The following PCDHA6 variants were observed in gnomAD, a reference collection of about 807,000 sequenced individuals.
PCDHA6 encodes protocadherin alpha-6.
Under a neutral mutation model 60.3 loss-of-function variants are expected in PCDHA6, and 55 were observed. That is an observed-to-expected ratio of 0.91 (90% CI 0.73 to 1.14). The LOEUF is 1.14. Ranked by LOEUF, PCDHA6 falls within the 50% of genes most tolerant of loss-of-function variation. PCDHA6 has a pLI of 0.00. For synonymous variants in PCDHA6, 652 were observed against 557.9 expected (o/e 1.17, Z -2.38); for missense variants, 1,327 against 1,256.5 (o/e 1.06, Z -0.85).
At chr5:140,989,747 G>A (rs1554251066) in intron 3 of PCDHA6, among the ~76,000 whole-genome samples, 1 of 152,166 alleles carries the variant, frequency 6.6e-6, no homozygotes, top group African/African-American at 2.4e-5. Flanking sequence ...TGCCTAATCT[G>A]GAGAAACATA....
chr5:140,876,653 C>T (rs781890773), intron 1 of PCDHA6: 8 of 1,614,082 alleles, frequency 5.0e-6, no homozygotes, highest in Non-Finnish European at 6.8e-6. Context: ...CCTCATGTTC[C>T]CTTCAAGCTG....
intron 1 of PCDHA6, among the ~76,000 whole-genome samples, chr5:140,941,202 C>T (rs246071): frequency 0.094 from 11,551 of 122,542 alleles, 708 homozygotes; most frequent in Admixed American, 0.12. Context: ...TTTCTTTCTT[C>T]CTTTCTTTCT....
intron 1 of PCDHA6, among the ~76,000 whole-genome samples, chr5:140,890,939 G>A (rs1236920048): frequency 6.6e-6 from 1 of 152,106 alleles, no homozygotes; most frequent in Admixed American, 6.6e-5. Flanking sequence ...GTCCAAAGAT[G>A]CTGGTGAGGA....
In PCDHA6 at chr5:140,911,791, C is replaced by G. The variant is rs567528220; in HGVS notation, c.2395-67158C>G. 3.9e-5 allele frequency among the ~76,000 whole-genome samples: 6 copies of G among 152,230 alleles called. No homozygotes were observed. The East Asian group carries it at 9.6e-4, about 24-fold the overall frequency. ...AGTACAGTCCTTAGCATTTTTGGGT[C>G]TAATCATATTAAGCAGCCTTCTCCA... On this transcript the variant is annotated intron_variant, in intron 1 of 3. Transcript: ENST00000529310.
At chr5:140,876,752 C>A (rs374137138) in intron 1 of PCDHA6, 2 of 1,614,194 alleles carry the variant, frequency 1.2e-6, no homozygotes, top group Non-Finnish European at 1.7e-6. Context: ...GTGGTGACTG[C>A]GCGGGATGGG....
chr5:140,924,887 C>A (rs528979895), intron 1 of PCDHA6, among the ~76,000 whole-genome samples: 1 of 126,448 alleles, frequency 7.9e-6, no homozygotes, highest in African/African-American at 3.2e-5. Flanking sequence ...AGAGCAAGAA[C>A]CTGTCTCAAA....
chr5:140,929,162 G>T (rs2153599635), intron 1 of PCDHA6: 4 of 1,614,060 alleles, frequency 2.5e-6, no homozygotes, highest in Non-Finnish European at 3.4e-6. Context: ...TATCTCTATC[G>T]GGCCTCTCTG....
At chr5:140,941,255 C>CTTTT (rs782490896) in intron 1 of PCDHA6, among the ~76,000 whole-genome samples, 1 of 44,504 alleles carries the variant, frequency 2.2e-5, no homozygotes, top group Non-Finnish European at 5.1e-5. Flanking sequence ...TTCTTTCTTT[C>CTTTT]TCTTTCTTTC....
intron 2 of PCDHA6, 86 bp from the exon 3 acceptor site, chr5:140,982,389 T>C: frequency 1.3e-6 from 2 of 1,593,476 alleles, no homozygotes; most frequent in South Asian, 1.1e-5. Context: ...CCTGGCTTCA[T>C]AGTTGTAAGC....
rs563512273 is a variant in PCDHA6 at position 140,921,751 on chromosome 5, A to G, written c.2395-57198A>G. Among the ~76,000 whole-genome samples, 11 of 152,290 alleles carry G rather than the reference A, an allele frequency of 7.2e-5. No homozygotes were observed. The East Asian group carries it at 7.7e-4, about 11-fold the overall frequency. On this transcript the variant is annotated intron_variant, in intron 1 of 3. Coordinates refer to ENST00000529310, the MANE Select transcript of PCDHA6 (RefSeq NM_018909.4). ...ATAAAAATTATAAGCATAACAGGAC[A>G]CTTCTTGGCTACTATTCAATACTGA...
chr5:140,975,514 C>T (rs549258421), intron 1 of PCDHA6, among the ~76,000 whole-genome samples: 2 of 152,304 alleles, frequency 1.3e-5, no homozygotes, highest in African/African-American at 4.8e-5. Flanking sequence ...TATGCAAAAT[C>T]TGCAGTGGAT....
In PCDHA6 at chr5:140,987,075, G is replaced by A. The variant is rs564788093; in HGVS notation, c.2542+4512G>A. On this transcript the variant is annotated intron_variant, in intron 3 of 3. Coordinates refer to ENST00000529310, the MANE Select transcript of PCDHA6 (RefSeq NM_018909.4). ...CTAAAGTTACAAAAATGAGCTGGGC[G>A]TGGTGGCAGGTGCCTGTAATCCCAG... is the stretch of plus-strand genomic sequence containing the variant. Among the ~76,000 whole-genome samples the A allele has an allele frequency of 3.7e-4, 57 of 152,124 alleles. No individual in the cohort carries two copies. In the East Asian group the frequency reaches 9.9e-3, roughly 26 times the overall value.
intron 1 of PCDHA6, among the ~76,000 whole-genome samples, chr5:140,963,902 A>G (rs1227304928): frequency 6.6e-6 from 1 of 152,218 alleles, no homozygotes; most frequent in Non-Finnish European, 1.5e-5. Flanking sequence ...AAATGAGTAA[A>G]GTGAAGCTTA....
At chr5:140,955,797 T>C (rs1374924586) in intron 1 of PCDHA6, among the ~76,000 whole-genome samples, 3 of 152,212 alleles carry the variant, frequency 2.0e-5, no homozygotes, top group Non-Finnish European at 4.4e-5. Flanking sequence ...TGTTTTTCTA[T>C]TTGTTTGTGT....
intron 3 of PCDHA6, among the ~76,000 whole-genome samples, chr5:140,985,878 T>C (rs891027308): frequency 6.6e-6 from 1 of 151,706 alleles, no homozygotes; most frequent in Non-Finnish European, 1.5e-5. Flanking sequence ...TAGCTGGGAC[T>C]ACAGGCGCCC....
Position 140,830,049 on chromosome 5 carries a change from A to G in PCDHA6, c.1958A>G (p.Asp653Gly). 6.2e-7 allele frequency: 1 copy of G among 1,613,626 alleles called. No individual in the cohort carries two copies. The highest frequency in any genetic ancestry group is 2.2e-5 in the East Asian group (1 of 44,846). Residue 653 changes from aspartate (D) to glycine (G), a missense_variant, in exon 1 of 4, where the codon GAC becomes GGC. Transcript: ENST00000529310. ...CACCGGCTGCTGGTGCTGGTGAAAGACCACGGTGAGCCGGCGCTGACAGCG... is the reference window on the plus strand; with the variant it reads ...CACCGGCTGCTGGTGCTGGTGAAAGGCCACGGTGAGCCGGCGCTGACAGCG... ...PRHRLLVLVK[D>G]HGEPALTATA...
Position 140,829,261 on chromosome 5 carries a change from G to A in PCDHA6, c.1170G>A (p.Thr390=), listed in dbSNP as rs1770190858. ...ACGGGCAGGTGAACTGCTCGCTGAC[G>A]CCTCACGTCCCTTTCAAGCTGGTGT... is the stretch of plus-strand genomic sequence containing the variant. The part of the protein sequence containing the change: ...GANGQVNCSL[T]PHVPFKLVST... Residue 390 remains threonine (T), a synonymous_variant, in exon 1 of 4, where the codon ACG becomes ACA. Coordinates refer to ENST00000529310, the MANE Select transcript of PCDHA6 (RefSeq NM_018909.4). 3 of 1,614,114 alleles carry A rather than the reference G, an allele frequency of 1.9e-6. No individual in the cohort carries two copies. The highest frequency in any genetic ancestry group is 1.1e-5 in the South Asian group (1 of 91,092).
At chr5:140,918,331 G>A (rs1429617568) in intron 1 of PCDHA6, among the ~76,000 whole-genome samples, 1 of 152,114 alleles carries the variant, frequency 6.6e-6, no homozygotes, top group Non-Finnish European at 1.5e-5. Context: ...TATATTGTCT[G>A]CTAAGAGAGA....
Position 140,829,927 on chromosome 5 carries a change from G to A in PCDHA6, c.1836G>A (p.Gln612=). Residue 612 remains glutamine (Q), a synonymous_variant, in exon 1 of 4, where the codon CAG becomes CAA. Coordinates refer to ENST00000529310, the MANE Select transcript of PCDHA6 (RefSeq NM_018909.4). ...GYNAWLSYEL[Q]PPASSARFPF... ...ACGCGTGGCTTTCGTATGAGCTGCA[G>A]CCCCCGGCAAGCAGCGCTCGCTTCC... 1.9e-6 allele frequency: 3 copies of A among 1,614,016 alleles called. No homozygotes were observed. The highest frequency in any genetic ancestry group is 2.5e-6 in the Non-Finnish European group (3 of 1,179,918).
Sources: gnomAD v4.1 joint callset for allele counts (sites outside exome capture counted in the v4.1 genomes callset) on GRCh38, gnomAD v4.1.1 for gene constraint, MANE v1.5 for transcripts, NCBI Gene and HGNC (gene_info 2026-07-23, HGNC 2026-07-21) for gene names.